SYCP2: variants seen among roughly 807,000 people sequenced by gnomAD.
The protein encoded by SYCP2 is synaptonemal complex protein 2, also known as synaptonemal complex lateral element protein.
A neutral mutation model predicts 211.3 loss-of-function variants in SYCP2; 55 were observed. The observed-to-expected ratio is 0.26, with a 90% CI of 0.21 to 0.33. The LOEUF (loss-of-function observed/expected upper bound fraction) is 0.33, where lower values mean the gene tolerates loss of function less well. SYCP2 is among the 10% of genes least tolerant of loss of function. The probability of loss-of-function intolerance (pLI) is 1.00; values close to 1 mark genes in which losing one functional copy is unlikely to be tolerated. For missense variants in SYCP2, 1,731 were observed against 1,752.0 expected, an observed-to-expected ratio of 0.99 and a Z score of 0.21; for synonymous variants, 570 against 555.2, an observed-to-expected ratio of 1.03 and a Z score of -0.37.
At chr20:59,887,901 C>T (rs1330148217) in intron 24 of SYCP2, among the ~76,000 whole-genome samples, 2 of 151,780 alleles carry the variant, frequency 1.3e-5, no homozygotes, top group Non-Finnish European at 2.9e-5. Flanking sequence ...GAATTCCATG[C>T]CCGCAAATGT....
chr20:59,920,476 TTTA>T lies in SYCP2; in HGVS notation c.177_179del (p.Asn59del). The stretch of plus-strand genomic sequence containing the variant: ...TGGCTGAAACATTGTGGATATCCTC[TTTA>T]TTAAGTTCCTGAAATAAAAGGTATA... On this transcript the variant is annotated inframe_deletion, in exon 5 of 45. Transcript: ENST00000357552. 6.3e-7 allele frequency: 1 copy of T among 1,599,726 alleles called. No homozygotes were observed. Among genetic ancestry groups the T allele is most frequent in the Non-Finnish European group, 8.5e-7 (1 of 1,170,386 alleles).
chr20:59,918,102 G>T (rs927670404), intron 7 of SYCP2, among the ~76,000 whole-genome samples: 4 of 152,188 alleles, frequency 2.6e-5, no homozygotes, highest in Non-Finnish European at 4.4e-5. Flanking sequence ...TCCAATGGCA[G>T]TGGGGTTTTA....
intron 4 of SYCP2, among the ~76,000 whole-genome samples, chr20:59,920,735 A>G (rs374901602): frequency 9.8e-4 from 148 of 151,786 alleles, no homozygotes; most frequent in African/African-American, 3.0e-3. Context: ...ACTTTATACT[A>G]TGATACAATG....
chr20:59,870,673 G>A (rs1305947893), intron 35 of SYCP2, among the ~76,000 whole-genome samples: 2 of 151,758 alleles, frequency 1.3e-5, no homozygotes, highest in Admixed American at 1.3e-4. Flanking sequence ...AAAGGGCAAA[G>A]GAATTCTGAG....
rs2059307723 is a variant in SYCP2, at chr20:59,865,317, C to A, written c.4515+71G>T. The A allele has an allele frequency of 5.7e-6, 7 of 1,229,208 alleles. No individual in the cohort carries two copies. In the Admixed American group the frequency reaches 1.3e-4, roughly 22 times the overall value. The allele number at this position is 1,229,208 out of a possible 1,614,324, so 76.1% of individuals were successfully genotyped here. A position where few individuals can be genotyped will look rare whatever the true frequency, so the allele number is the denominator to read the frequency against. On this transcript the variant is annotated intron_variant, in intron 44 of 44. Coordinates refer to ENST00000357552, the MANE Select transcript of SYCP2 (RefSeq NM_014258.4). ...AAAGAAAAAGAAAGACATAAAAGCA[C>A]ACACACAAAAAAATCAAAAACAAAA...
At chr20:59,881,609 A>G in intron 28 of SYCP2, 117 bp from the exon 29 acceptor site, 1 of 554,044 alleles carries the variant, frequency 1.8e-6, no homozygotes, top group Non-Finnish European at 3.1e-6. Flanking sequence ...ACATAAAATT[A>G]ACTTTACTAC....
chr20:59,897,965 G>A (rs1279384467), intron 18 of SYCP2, among the ~76,000 whole-genome samples: 1 of 152,082 alleles, frequency 6.6e-6, no homozygotes, highest in African/African-American at 2.4e-5. Flanking sequence ...TTAGCCAGGT[G>A]TGGTGGCAGG....
chr20:59,873,823 C>T, intron 35 of SYCP2, 33 bp downstream of exon 35: 1 of 1,523,754 alleles, frequency 6.6e-7, no homozygotes, highest in African/African-American at 1.4e-5. Flanking sequence ...TCAGATATAT[C>T]TGATAAAGAG....
At chr20:59,895,667 A>T in intron 19 of SYCP2, 70 bp from the exon 20 acceptor site, 1 of 1,547,926 alleles carries the variant, frequency 6.5e-7, no homozygotes, top group Non-Finnish European at 8.8e-7. Flanking sequence ...TACTTTTCCA[A>T]TGAGAAAGGT....
Position 59,900,137 on chromosome 20 carries a change from C to T in SYCP2, c.1404+1G>A. ...AGCCAGTATTTTGACACCATCTTTA[C>T]CTCAAGCTGACTATTATTTCTATTC... On this transcript the variant is annotated splice_donor_variant, in intron 18 of 44. Transcript: ENST00000357552. LOFTEE classifies it high-confidence loss of function. 2 of 1,612,884 alleles carry T rather than the reference C, an allele frequency of 1.2e-6. No homozygotes were observed. The highest frequency in any genetic ancestry group is 1.1e-5 in the South Asian group (1 of 91,046).
chr20:59,923,827 CAG>C (rs150985060), intron 2 of SYCP2, among the ~76,000 whole-genome samples: 15 of 150,286 alleles, frequency 1.0e-4, no homozygotes, highest in African/African-American at 1.2e-4. Context: ...TTAATCAATC[CAG>C]AGAGAGAGAG....
chr20:59,910,384 T>A (rs983418175), intron 14 of SYCP2, among the ~76,000 whole-genome samples: 6 of 133,346 alleles, frequency 4.5e-5, no homozygotes, highest in East Asian at 4.2e-4. Context: ...ATTTTTTTTT[T>A]TTTTTTTTTT....
At position 59,892,293 on chromosome 20, in the gene SYCP2, T is replaced by C. The variant is rs1438720904; in HGVS notation, c.2061A>G (p.Val687=). 6.2e-6 allele frequency: 10 copies of C among 1,612,454 alleles called. No homozygotes were observed. In the South Asian group the frequency reaches 9.9e-5, roughly 16 times the overall value. The change falls in exon 24 of 45, where the codon GTA becomes GTG. Residue 687 remains valine (V), a synonymous_variant. Transcript: ENST00000357552. The part of the protein sequence containing the change: ...TDHIKIDKAE[V]EVCKKHNQQQ... ...GCTGATTGTGTTTCTTGCAAACTTC[T>C]ACTTCTGCTTTATCTATTTTGATAT... is the stretch of plus-strand genomic sequence containing the variant.
At chr20:59,867,589 G>A (rs2059375901) in intron 39 of SYCP2, 122 bp downstream of exon 39, 1 of 725,926 alleles carries the variant, frequency 1.4e-6, no homozygotes, top group Admixed American at 3.2e-5. Context: ...CACATATAAG[G>A]AAAGTTGGTT....
At chr20:59,929,967 C>T (rs2060704647) in intron 2 of SYCP2, among the ~76,000 whole-genome samples, 1 of 152,022 alleles carries the variant, frequency 6.6e-6, no homozygotes, top group African/African-American at 2.4e-5. Flanking sequence ...CTCATATATA[C>T]CCTTTCAATC....
intron 23 of SYCP2, 21 bp downstream of exon 23, chr20:59,892,547 A>G (rs1398292639): frequency 6.3e-7 from 1 of 1,594,524 alleles, no homozygotes; most frequent in East Asian, 2.2e-5. Flanking sequence ...ACTATTACAT[A>G]TAGATAAAAC....
chr20:59,932,884 G>A (rs1431361706), intron 1 of SYCP2, among the ~76,000 whole-genome samples: 2 of 152,128 alleles, frequency 1.3e-5, no homozygotes, highest in Non-Finnish European at 2.9e-5. Context: ...AGAAGGGACT[G>A]AAGGCGCCGA....
Position 59,866,275 on chromosome 20 carries a change from A to AT in SYCP2, c.4320+17dup, listed in dbSNP as rs2059331379. 1 of 1,525,642 alleles carries AT rather than the reference A, an allele frequency of 6.6e-7. No homozygotes were observed. Among genetic ancestry groups the AT allele is most frequent in the African/African-American group, 1.4e-5 (1 of 71,200 alleles). The allele number at this position is 1,525,642 out of a possible 1,614,324, so 94.5% of individuals were successfully genotyped here. ...ATAAGGTTTTAAACTTATTTAAAAA[A>AT]TTTTTAAAGTAACAAACCACAAATT... is the stretch of plus-strand genomic sequence containing the variant. On this transcript the variant is annotated intron_variant, in intron 41 of 44. Transcript: ENST00000357552.
intron 2 of SYCP2, among the ~76,000 whole-genome samples, chr20:59,931,686 C>A (rs918312038): frequency 6.6e-6 from 1 of 152,030 alleles, no homozygotes; most frequent in Admixed American, 6.6e-5. Context: ...AAAGTACAGC[C>A]AAAGAGGCAC....
Sources: allele counts gnomAD v4.1 joint callset (sites outside exome capture counted in the v4.1 genomes callset), GRCh38; gene constraint gnomAD v4.1.1; transcripts MANE v1.5; gene names NCBI Gene and HGNC (gene_info 2026-07-23, HGNC 2026-07-21).